FAM111B: variants seen among roughly 807,000 people sequenced by gnomAD.
FAM111B encodes serine protease FAM111B.
A neutral mutation model predicts 2.8 loss-of-function variants in FAM111B; 1 was observed. The ratio of observed to expected loss-of-function variants is 0.36; its 90% CI spans 0.13 to 1.70. FAM111B has a LOEUF of 1.70. FAM111B is among the 40% of genes most tolerant of loss of function. FAM111B has a pLI of 0.35. For synonymous variants in FAM111B, 297 were observed against 295.6 expected (o/e 1.00, Z -0.05); for missense variants, 882 against 878.9 (o/e 1.00, Z -0.04).
At chr11:59,108,041 T>G (rs1394673579) in intron 1 of FAM111B, among the ~76,000 whole-genome samples, 1 of 152,172 alleles carries the variant, frequency 6.6e-6, no homozygotes, top group East Asian at 1.9e-4. Flanking sequence ...AAGAACTTGG[T>G]GCGCCTTTGA....
intron 3 of FAM111B, among the ~76,000 whole-genome samples, chr11:59,113,526 A>G (rs1167776342): frequency 6.6e-6 from 1 of 152,202 alleles, no homozygotes; most frequent in Non-Finnish European, 1.5e-5. Context: ...TGTCCAGAGA[A>G]CTGTGAGTGG....
chr11:59,122,572 G>A (rs181244455), intron 3 of FAM111B, among the ~76,000 whole-genome samples: 2 of 152,306 alleles, frequency 1.3e-5, no homozygotes, highest in Non-Finnish European at 1.5e-5. Context: ...ACTAGCTTGA[G>A]TAGTCAAATG....
intron 2 of FAM111B, among the ~76,000 whole-genome samples, chr11:59,109,290 C>A (rs1859717691): frequency 6.6e-6 from 1 of 152,200 alleles, no homozygotes; most frequent in Non-Finnish European, 1.5e-5. Context: ...AGTACTCTGT[C>A]ATACAAGCTC....
chr11:59,116,409 A>T (rs1859841522), intron 3 of FAM111B, among the ~76,000 whole-genome samples: 1 of 152,194 alleles, frequency 6.6e-6, no homozygotes, highest in Non-Finnish European at 1.5e-5. Flanking sequence ...TCTAATTTTA[A>T]TTCTAGACAC....
At position 59,126,247 on chromosome 11, in the gene FAM111B, A is replaced by G. The variant is rs542435872; in HGVS notation, c.2150A>G (p.Lys717Arg). The G allele has an allele frequency of 6.3e-7, 1 of 1,590,738 alleles. No homozygotes were observed. Among genetic ancestry groups the G allele is most frequent in the Non-Finnish European group, 8.5e-7 (1 of 1,172,644 alleles). ...DEKLETYDEE[K>R]GKQESSLQDH... The stretch of plus-strand genomic sequence containing the variant: ...AAACTTGAGACCTACGATGAAGAGA[A>G]AGGTAAACAAGAGTCATCACTTCAA... The change falls in exon 4 of 4, where the codon AAA becomes AGA. Residue 717 changes from lysine to arginine, a missense_variant. Coordinates refer to ENST00000343597, the MANE Select transcript of FAM111B (RefSeq NM_198947.4).
intron 3 of FAM111B, among the ~76,000 whole-genome samples, chr11:59,121,697 G>A (rs1485965951): frequency 2.0e-5 from 3 of 152,140 alleles, no homozygotes; most frequent in Non-Finnish European, 2.9e-5. Context: ...TGTGCACCAC[G>A]AAACATATTT....
chr11:59,126,362 A>G lies in FAM111B; in HGVS notation c.*60A>G. 1 of 1,367,368 alleles carries G rather than the reference A, an allele frequency of 7.3e-7. No individual in the cohort carries two copies. Among genetic ancestry groups the G allele is most frequent in the South Asian group, 1.6e-5 (1 of 63,894 alleles). The allele number at this position is 1,367,368 out of a possible 1,614,324, so 84.7% of individuals were successfully genotyped here. ...AATTCCTGGCAAAGATTTCATGACA[A>G]AGACACTTAAAGCAATTGCAACAAA... is the stretch of plus-strand genomic sequence containing the variant. On this transcript the variant is annotated 3_prime_UTR_variant, in exon 4 of 4. Transcript: ENST00000343597.
intron 3 of FAM111B, among the ~76,000 whole-genome samples, chr11:59,118,308 T>A (rs1386967377): frequency 6.6e-6 from 1 of 152,192 alleles, no homozygotes; most frequent in Non-Finnish European, 1.5e-5. Context: ...CCTTCAGACC[T>A]GGGGCATCCC....
At chr11:59,121,232 T>C (rs1196994886) in intron 3 of FAM111B, among the ~76,000 whole-genome samples, 1 of 152,106 alleles carries the variant, frequency 6.6e-6, no homozygotes, top group African/African-American at 2.4e-5. Flanking sequence ...ATAAACAATT[T>C]GTGTCTACAA....
rs1364883926 is a variant in FAM111B at position 59,109,769 on chromosome 11, A to T, written c.81+63A>T. On this transcript the variant is annotated intron_variant, in intron 3 of 3. Coordinates refer to ENST00000343597, the MANE Select transcript of FAM111B (RefSeq NM_198947.4). ...AGTCTAACTATAGTGCCATATGAGG[A>T]TCTTGGAGATAAGTTCTTAAACAAT... 6.7e-6 allele frequency: 7 copies of T among 1,038,930 alleles called. No individual in the cohort carries two copies. In the East Asian group the frequency reaches 7.5e-5, roughly 11 times the overall value. 64.4% of individuals were successfully genotyped at this position (1,038,930 alleles called of 1,614,324 possible).
At chr11:59,120,287 A>G (rs1859900969) in intron 3 of FAM111B, among the ~76,000 whole-genome samples, 2 of 152,218 alleles carry the variant, frequency 1.3e-5, no homozygotes, top group South Asian at 4.1e-4. Flanking sequence ...CAGACTCACA[A>G]ATTTCAAGAT....
Position 59,124,864 on chromosome 11 carries a change from T to G in FAM111B, c.767T>G (p.Val256Gly). 6.2e-7 allele frequency: 1 copy of G among 1,611,772 alleles called. No homozygotes were observed. The highest frequency in any genetic ancestry group is 1.7e-5 in the Admixed American group (1 of 59,708). ...AAAATTTATGGAAAACAGTCCATGG[T>G]GGATGAAGTATCTGGAAAAGTCTTA... The part of the protein sequence containing the change: ...HKKIYGKQSM[V>G]DEVSGKVLEM... The change falls in exon 4 of 4, where the codon GTG becomes GGG. Residue 256 changes from valine to glycine, a missense_variant. By Grantham distance (109) the Val-to-Gly change is moderately radical. Coordinates refer to ENST00000343597, the MANE Select transcript of FAM111B (RefSeq NM_198947.4).
chr11:59,108,211 C>G lies in FAM111B; in HGVS notation c.-131-457C>G, dbSNP rs558943611. Among the ~76,000 whole-genome samples, 21 of 152,334 alleles carry G rather than the reference C, an allele frequency of 1.4e-4. 1 individual carries two copies. Among genetic ancestry groups the G allele is most frequent in the African/African-American group, 4.8e-4 (20 of 41,566 alleles). On this transcript the variant is annotated intron_variant, in intron 1 of 3. Transcript: ENST00000343597. The stretch of plus-strand genomic sequence containing the variant: ...TAAAAGTTTCATCTGAGCCAAAGTC[C>G]TTAATCTAGAAATGAGGAAATGGGG...
rs550695542 is a variant in FAM111B, at chr11:59,109,507, A to T, written c.-86-33A>T. ...TGATCTCCAGTGTTTGAAAGTGGTT[A>T]TTTCATAGATCTTGTTTTTTTGGTT... On this transcript the variant is annotated intron_variant, in intron 2 of 3. Coordinates refer to ENST00000343597, the MANE Select transcript of FAM111B (RefSeq NM_198947.4). The T allele has an allele frequency of 2.0e-5, 12 of 587,936 alleles. No homozygotes were observed. The African/African-American group carries it at 2.2e-4, about 11-fold the overall frequency. The allele number at this position is 587,936 out of a possible 1,614,324, so 36.4% of individuals were successfully genotyped here.
intron 3 of FAM111B, among the ~76,000 whole-genome samples, chr11:59,119,653 C>T (rs1180558159): frequency 1.3e-5 from 2 of 152,020 alleles, no homozygotes; most frequent in African/African-American, 2.4e-5. Flanking sequence ...TAAATATAAA[C>T]ATACCAGAAG....
chr11:59,114,724 G>T (rs952872306), intron 3 of FAM111B, among the ~76,000 whole-genome samples: 2 of 152,178 alleles, frequency 1.3e-5, no homozygotes, highest in Non-Finnish European at 2.9e-5. Flanking sequence ...CAGGTACCAA[G>T]GATATACCAG....
chr11:59,116,467 A>G (rs1159922286), intron 3 of FAM111B, among the ~76,000 whole-genome samples: 1 of 152,212 alleles, frequency 6.6e-6, no homozygotes, highest in Non-Finnish European at 1.5e-5. Flanking sequence ...CCCTTTCCAC[A>G]GAGCATTCTA....
intron 3 of FAM111B, among the ~76,000 whole-genome samples, chr11:59,110,941 A>C (rs1859748868): frequency 6.6e-6 from 1 of 152,218 alleles, no homozygotes; most frequent in Non-Finnish European, 1.5e-5. Flanking sequence ...ATTTCCAGTA[A>C]AAATATTTTC....
chr11:59,112,972 G>A (rs527540483), intron 3 of FAM111B, among the ~76,000 whole-genome samples: 1 of 152,068 alleles, frequency 6.6e-6, no homozygotes, highest in African/African-American at 2.4e-5. Flanking sequence ...TTTTATTCCT[G>A]TTTCGGGAGG....
Sources: gnomAD v4.1 joint callset for allele counts (sites outside exome capture counted in the v4.1 genomes callset) on GRCh38, gnomAD v4.1.1 for gene constraint, MANE v1.5 for transcripts, NCBI Gene and HGNC (gene_info 2026-07-23, HGNC 2026-07-21) for gene names.